The following WDPCP variants were observed in gnomAD, a reference collection of about 807,000 sequenced individuals.
WDPCP encodes the protein WD repeat-containing and planar cell polarity effector protein fritz homolog.
Under a neutral mutation model 93.1 loss-of-function variants are expected in WDPCP, and 71 were observed. The ratio of observed to expected loss-of-function variants is 0.76; its 90% CI spans 0.63 to 0.93. The LOEUF (loss-of-function observed/expected upper bound fraction) is 0.93. Among genes scored for constraint, WDPCP ranks in the 40% least tolerant of loss-of-function variants. WDPCP has a pLI of 0.00. For synonymous variants in WDPCP, 315 were observed against 315.0 expected (o/e 1.00, Z 0.00); for missense variants, 844 against 887.4 (o/e 0.95, Z 0.62).
intron 1 of WDPCP, among the ~76,000 whole-genome samples, chr2:63,562,543 A>C (rs1271438035): frequency 6.6e-6 from 1 of 152,194 alleles, no homozygotes; most frequent in Non-Finnish European, 1.5e-5. Context: ...ATTTTTAAAA[A>C]TAAAAAATTT....
intron 2 of WDPCP, among the ~76,000 whole-genome samples, chr2:63,804,898 G>A (rs993153305): frequency 6.6e-6 from 1 of 151,812 alleles, no homozygotes; most frequent in Non-Finnish European, 1.5e-5. Context: ...CTTGGTGGTG[G>A]GTGCCTGTAA....
chr2:63,682,569 G>C (rs1321824028), intron 2 of WDPCP, among the ~76,000 whole-genome samples: 1 of 152,060 alleles, frequency 6.6e-6, no homozygotes, highest in Non-Finnish European at 1.5e-5. Context: ...GAAAATCTAA[G>C]AGTTATTGGC....
intron 2 of WDPCP, among the ~76,000 whole-genome samples, chr2:63,696,101 G>A (rs552037636): frequency 1.4e-4 from 21 of 152,206 alleles, no homozygotes; most frequent in South Asian, 4.1e-4. Context: ...AGAACCTTCC[G>A]GTGGACCTAA....
intron 15 of WDPCP, among the ~76,000 whole-genome samples, chr2:63,163,819 A>G (rs1672790264): frequency 6.6e-6 from 1 of 152,124 alleles, no homozygotes; most frequent in African/African-American, 2.4e-5. Context: ...ATTTTCATCC[A>G]TTATATTGTT....
At chr2:63,211,237 G>A (rs1187753398) in intron 14 of WDPCP, among the ~76,000 whole-genome samples, 7 of 152,202 alleles carry the variant, frequency 4.6e-5, no homozygotes, top group Non-Finnish European at 8.8e-5. Flanking sequence ...TCATACAGCC[G>A]GCCAGGTGCC....
chr2:63,348,074 AATG>A (rs1382023750), intron 12 of WDPCP, among the ~76,000 whole-genome samples: 1 of 152,192 alleles, frequency 6.6e-6, no homozygotes, highest in African/African-American at 2.4e-5. Flanking sequence ...CCACAAACAC[AATG>A]ATAATAGCTA....
chr2:63,183,040 TTAGTC>T (rs1674371361), intron 14 of WDPCP, among the ~76,000 whole-genome samples: 1 of 151,866 alleles, frequency 6.6e-6, no homozygotes, highest in South Asian at 2.1e-4. Flanking sequence ...CTTTTCTTGA[TTAGTC>T]TAGCTAGCAG....
intron 10 of WDPCP, among the ~76,000 whole-genome samples, chr2:63,398,379 C>T (rs1045607375): frequency 6.6e-6 from 1 of 152,164 alleles, no homozygotes; most frequent in Admixed American, 6.6e-5. Flanking sequence ...TAAAGAGATT[C>T]TGAATACATA....
intron 14 of WDPCP, among the ~76,000 whole-genome samples, chr2:63,205,279 T>C (rs1263881153): frequency 6.6e-6 from 1 of 152,118 alleles, no homozygotes; most frequent in Non-Finnish European, 1.5e-5. Context: ...GTAATATGAT[T>C]CTTTTTGCTT....
At chr2:63,486,467 T>C (rs1700580534) in intron 4 of WDPCP, 75 bp downstream of exon 4, 2 of 1,373,506 alleles carry the variant, frequency 1.5e-6, no homozygotes, top group African/African-American at 2.9e-5. Context: ...GTTTCCTCTT[T>C]GTTCCAGATG....
chr2:63,192,063 C>G (rs915906694), intron 14 of WDPCP, among the ~76,000 whole-genome samples: 2 of 152,138 alleles, frequency 1.3e-5, no homozygotes, highest in Admixed American at 6.5e-5. Context: ...CTCCTTACCC[C>G]CCTTTAAATT....
At chr2:63,480,963 G>GA (rs538098510) in intron 6 of WDPCP, among the ~76,000 whole-genome samples, 8 of 151,796 alleles carry the variant, frequency 5.3e-5, no homozygotes, top group Admixed American at 2.0e-4. Flanking sequence ...CACAAAGTGG[G>GA]AAAAAATCTT....
At chr2:63,763,279 G>A (rs904981716) in intron 2 of WDPCP, among the ~76,000 whole-genome samples, 1 of 152,024 alleles carries the variant, frequency 6.6e-6, no homozygotes, top group Non-Finnish European at 1.5e-5. Context: ...TGAGGAGGGT[G>A]GATCACTTGA....
At chr2:63,830,096 A>C (rs1297402761), upstream of WDPCP, among the ~76,000 whole-genome samples, 1 of 152,084 alleles carries the variant, frequency 6.6e-6, no homozygotes, top group Non-Finnish European at 1.5e-5. Context: ...ATGACAAGAG[A>C]AGCATCATCA....
At chr2:63,354,700 G>A (rs1363815459) in intron 12 of WDPCP, among the ~76,000 whole-genome samples, 1 of 149,054 alleles carries the variant, frequency 6.7e-6, no homozygotes, top group African/African-American at 2.5e-5. Flanking sequence ...GTGTGTGTAT[G>A]TATGTATATA....
At chr2:63,250,742 G>A (rs984476293) in intron 14 of WDPCP, among the ~76,000 whole-genome samples, 7 of 152,142 alleles carry the variant, frequency 4.6e-5, no homozygotes, top group African/African-American at 1.7e-4. Context: ...AACATTTCAT[G>A]TACACCAGAA....
At chr2:63,609,421 G>T (rs982535555) in intron 3 of WDPCP, among the ~76,000 whole-genome samples, 2 of 151,782 alleles carry the variant, frequency 1.3e-5, no homozygotes, top group African/African-American at 4.8e-5. Context: ...TACTAGAGGG[G>T]GACTGGATGG....
intron 1 of WDPCP, among the ~76,000 whole-genome samples, chr2:63,501,479 T>C (rs964073693): frequency 2.0e-5 from 3 of 152,204 alleles, no homozygotes; most frequent in Non-Finnish European, 2.9e-5. Context: ...CAGAGGAGGA[T>C]GGCTCAAGAC....
intron 9 of WDPCP, 108 bp from the exon 10 acceptor site, chr2:63,404,765 A>G: frequency 1.5e-6 from 2 of 1,339,256 alleles, no homozygotes; most frequent in Admixed American, 3.5e-5. Context: ...ATCAATTACT[A>G]TCTTAAACAT....
Sources: gnomAD v4.1 joint callset for allele counts (sites outside exome capture counted in the v4.1 genomes callset) on GRCh38, gnomAD v4.1.1 for gene constraint, MANE v1.5 for transcripts, NCBI Gene and HGNC (gene_info 2026-07-23, HGNC 2026-07-21) for gene names.